The following PHF24 variants were observed in gnomAD, a reference collection of about 807,000 sequenced individuals.
PHF24 encodes the protein PHD finger protein 24.
In PHF24, 25 loss-of-function variants were observed where a neutral mutation model predicts 42.6. That is an observed-to-expected ratio of 0.59 (90% CI 0.43 to 0.82). The LOEUF is 0.82. PHF24 is among the 40% of genes least tolerant of loss of function. The pLI is 0.00. For synonymous variants in PHF24, 185 were observed against 204.8 expected, an observed-to-expected ratio of 0.90 and a Z score of 0.83; for missense variants, 470 against 538.1, an observed-to-expected ratio of 0.87 and a Z score of 1.25.
the PHF24 span, among the ~76,000 whole-genome samples, chr9:34,824,564 G>A: frequency 1.4e-5 from 2 of 143,324 alleles, no homozygotes. Flanking sequence ...GGTTCCTGTT[G>A]ATAGAAGTTG....
chr9:34,862,739 G>T, the PHF24 span, among the ~76,000 whole-genome samples: 5 of 151,792 alleles, frequency 3.3e-5, no homozygotes, highest in Non-Finnish European at 7.4e-5. Context: ...ATGGGGGAAA[G>T]TGCCTTCTGC....
upstream of PHF24, among the ~76,000 whole-genome samples, chr9:34,953,739 G>C (rs1826310186): frequency 6.6e-6 from 1 of 151,998 alleles, no homozygotes; most frequent in Non-Finnish European, 1.5e-5. This position sits in a 1 kb window ranked among gnomAD's most constrained non-coding sequence, Gnocchi z 4.1. Flanking sequence ...GAGGCCAGGA[G>C]TTTGAGATCA....
the PHF24 span, among the ~76,000 whole-genome samples, chr9:34,821,857 G>A: frequency 1.3e-5 from 2 of 152,108 alleles, no homozygotes; most frequent in African/African-American, 4.8e-5. Context: ...AAAGACAGTA[G>A]TATCTAAGAT....
chr9:34,875,027 CT>C, the PHF24 span, among the ~76,000 whole-genome samples: 2 of 152,084 alleles, frequency 1.3e-5, no homozygotes, highest in Non-Finnish European at 2.9e-5. Flanking sequence ...TTATAGTCAC[CT>C]TATTGTGCTA....
At chr9:34,850,399 T>C in the PHF24 span, among the ~76,000 whole-genome samples, 1 of 152,232 alleles carries the variant, frequency 6.6e-6, no homozygotes, top group Non-Finnish European at 1.5e-5. Context: ...CTCATCGGCT[T>C]CTGAGGCTTC....
exon 6 of PHF24, chr9:34,977,146 C>G: frequency 3.1e-6 from 5 of 1,613,622 alleles, no homozygotes; most frequent in Non-Finnish European, 3.4e-6. Context: ...CTTCCTGGCT[C>G]GGGGCAGTGG....
chr9:34,811,392 T>C, the PHF24 span, among the ~76,000 whole-genome samples: 1 of 152,278 alleles, frequency 6.6e-6, no homozygotes. Flanking sequence ...CATAAATTAA[T>C]TGACATTATC....
At chr9:34,812,509 C>G in the PHF24 span, among the ~76,000 whole-genome samples, 1 of 152,180 alleles carries the variant, frequency 6.6e-6, no homozygotes, top group Non-Finnish European at 1.5e-5. Context: ...AGTAGCTCTT[C>G]CCTGATGTCA....
the PHF24 span, among the ~76,000 whole-genome samples, chr9:34,716,469 C>T: frequency 6.6e-6 from 1 of 152,150 alleles, no homozygotes. Flanking sequence ...GAGATCTTAA[C>T]CTAAATCCTA....
At chr9:34,844,582 G>A in the PHF24 span, among the ~76,000 whole-genome samples, 1 of 151,946 alleles carries the variant, frequency 6.6e-6, no homozygotes, top group Non-Finnish European at 1.5e-5. Flanking sequence ...CCAGGTATTT[G>A]TGAATTTTTC....
chr9:34,859,426 G>A, the PHF24 span, among the ~76,000 whole-genome samples: 1 of 152,130 alleles, frequency 6.6e-6, no homozygotes, highest in Admixed American at 6.5e-5. Flanking sequence ...AAGTGGTCAG[G>A]CAAGGGCAAG....
At chr9:34,974,005 CTTCTT>C in intron 3 of PHF24, among the ~76,000 whole-genome samples, 1 of 152,080 alleles carries the variant, frequency 6.6e-6, no homozygotes, top group East Asian at 1.9e-4. Flanking sequence ...AAATCTTCTT[CTTCTT>C]TTTTTTCTTT....
At chr9:34,750,721 C>G in the PHF24 span, among the ~76,000 whole-genome samples, 1 of 151,092 alleles carries the variant, frequency 6.6e-6, no homozygotes, top group Non-Finnish European at 1.5e-5. Context: ...AAACAGGAAG[C>G]AAGAAATTAA....
At chr9:34,852,745 T>C in the PHF24 span, among the ~76,000 whole-genome samples, 26 of 152,238 alleles carry the variant, frequency 1.7e-4, no homozygotes, top group African/African-American at 6.0e-4. Flanking sequence ...GATATGTTTT[T>C]GTATGTACTT....
At chr9:34,922,060 A>G in the PHF24 span, 2 of 869,192 alleles carry the variant, frequency 2.3e-6, no homozygotes, top group Non-Finnish European at 3.6e-6. Flanking sequence ...GGAAATATAG[A>G]AATTCAAATA....
the PHF24 span, among the ~76,000 whole-genome samples, chr9:34,887,540 T>C: frequency 1.3e-5 from 2 of 152,140 alleles, no homozygotes; most frequent in Non-Finnish European, 2.9e-5. Flanking sequence ...TCCTCCAACC[T>C]CCAGGCATCT....
chr9:34,847,192 G>A, the PHF24 span, among the ~76,000 whole-genome samples: 2 of 152,192 alleles, frequency 1.3e-5, no homozygotes, highest in Non-Finnish European at 2.9e-5. Flanking sequence ...ACCTTGGGCA[G>A]TATGGCCATT....
the PHF24 span, among the ~76,000 whole-genome samples, chr9:34,745,316 C>G: frequency 6.6e-6 from 1 of 152,150 alleles, no homozygotes; most frequent in African/African-American, 2.4e-5. Flanking sequence ...TCAAGAGGAC[C>G]AACAGAGTGG....
At chr9:34,976,067 G>T in intron 3 of PHF24, 85 bp from the exon 4 acceptor site, 1 of 931,026 alleles carries the variant, frequency 1.1e-6, no homozygotes, top group Non-Finnish European at 1.8e-6. Flanking sequence ...CTGCTTTCCA[G>T]TTGAAATTCT....
Sources: allele counts gnomAD v4.1 joint callset (sites outside exome capture counted in the v4.1 genomes callset), GRCh38; gene constraint gnomAD v4.1.1; non-coding constraint Gnocchi (gnomAD v3.1); transcripts MANE v1.5; gene names NCBI Gene and HGNC (gene_info 2026-07-23, HGNC 2026-07-21).